Variants in IFNAR2 observed in about 807,000 individuals in gnomAD.
The protein encoded by IFNAR2 is interferon alpha and beta receptor subunit 2.
A neutral mutation model predicts 49.4 loss-of-function variants in IFNAR2; 30 were observed. The observed-to-expected ratio is 0.61, with a 90% CI of 0.45 to 0.82. IFNAR2 has a LOEUF of 0.82. Ranked by LOEUF, IFNAR2 falls within the 40% of genes least tolerant of loss-of-function variation. IFNAR2 has a pLI of 0.00. For missense variants in IFNAR2, 600 were observed against 622.7 expected (o/e 0.96, Z 0.39); for synonymous variants, 224 against 234.5 (o/e 0.96, Z 0.41).
intron 2 of IFNAR2, 99 bp from the exon 3 acceptor site, chr21:33,243,574 C>A: frequency 1.8e-6 from 2 of 1,083,686 alleles, no homozygotes; most frequent in Non-Finnish European, 1.4e-6. Flanking sequence ...CAATCTGATA[C>A]CAATAAATGT....
intron 7 of IFNAR2, among the ~76,000 whole-genome samples, chr21:33,253,537 C>T (rs1401856561): frequency 6.6e-6 from 1 of 152,090 alleles, no homozygotes; most frequent in Admixed American, 6.5e-5. Flanking sequence ...GGAAAGAGGT[C>T]CCAATCCATA....
chr21:33,233,052 A>C, intron 1 of IFNAR2: 3 of 492,864 alleles, frequency 6.1e-6, no homozygotes, highest in Non-Finnish European at 7.9e-6. Flanking sequence ...ACTTGATAAA[A>C]ATATAAATCC....
At chr21:33,252,342 G>T in intron 6 of IFNAR2, 1 of 680,196 alleles carries the variant, frequency 1.5e-6, no homozygotes. Context: ...CACTGTCCAT[G>T]AGAGAAGATA....
At chr21:33,240,702 G>C (rs532807218) in intron 1 of IFNAR2, among the ~76,000 whole-genome samples, 1 of 151,818 alleles carries the variant, frequency 6.6e-6, no homozygotes, top group Admixed American at 6.6e-5. Flanking sequence ...TGTAGTCTCA[G>C]CTACTTAGGG....
At chr21:33,261,348 T>C (rs1988559541) in intron 8 of IFNAR2, among the ~76,000 whole-genome samples, 1 of 152,182 alleles carries the variant, frequency 6.6e-6, no homozygotes, top group Non-Finnish European at 1.5e-5. Context: ...TGTTTTGTTT[T>C]GTTTTGTTTT....
At chr21:33,246,547 G>T (rs2123483249) in intron 4 of IFNAR2, among the ~76,000 whole-genome samples, 171 bp from the exon 5 acceptor site, 1 of 152,332 alleles carries the variant, frequency 6.6e-6, no homozygotes, top group East Asian at 1.9e-4. Flanking sequence ...AAGTGCAGGG[G>T]TGGGGAGGGC....
In IFNAR2 at chr21:33,263,337, C is replaced by T. The variant is rs776173853; in HGVS notation, c.1385C>T (p.Pro462Leu). Residue 462 changes from proline to leucine, a missense_variant, in exon 9 of 9, where the codon CCT becomes CTT. By Grantham distance (98) the Pro-to-Leu change is moderately conservative. Coordinates refer to ENST00000342136, the MANE Select transcript of IFNAR2 (RefSeq NM_001289125.3). The part of the protein sequence containing the change: ...HLEEMVDPED[P>L]DNVQSNHLLA... ...GAAGAGATGGTTGACCCAGAGGATC[C>T]TGATAATGTGCAATCAAACCATTTG... The T allele has an allele frequency of 1.2e-6, 2 of 1,614,204 alleles. No homozygotes were observed. Among genetic ancestry groups the T allele is most frequent in the South Asian group, 1.1e-5 (1 of 91,084 alleles).
chr21:33,247,254 C>CATTTTTTTTTT (rs1987501614), intron 5 of IFNAR2, among the ~76,000 whole-genome samples: 1 of 91,574 alleles, frequency 1.1e-5, no homozygotes, highest in Non-Finnish European at 2.1e-5. Flanking sequence ...TTCTTTCTTT[C>CATTTTTTTTTT]TTTTTTTTTT....
chr21:33,234,033 T>C (rs1463399703), intron 1 of IFNAR2, among the ~76,000 whole-genome samples: 1 of 151,810 alleles, frequency 6.6e-6, no homozygotes, highest in Non-Finnish European at 1.5e-5. Flanking sequence ...TATATAATAC[T>C]GCAACTTTTA....
At chr21:33,257,114 C>T (rs531044455) in intron 7 of IFNAR2, among the ~76,000 whole-genome samples, 6 of 152,244 alleles carry the variant, frequency 3.9e-5, no homozygotes, top group African/African-American at 9.6e-5. Flanking sequence ...AAGGGGTTCT[C>T]GGAAGCGTGA....
chr21:33,235,452 A>G (rs1986376103), intron 1 of IFNAR2, among the ~76,000 whole-genome samples: 1 of 152,292 alleles, frequency 6.6e-6, no homozygotes, highest in Admixed American at 6.5e-5. Flanking sequence ...AGCTTGGTGC[A>G]TTGTCAGGCA....
rs1352972466 is a variant in IFNAR2 at position 33,262,867 on chromosome 21, T to C, written c.915T>C (p.Ile305=). Residue 305 remains isoleucine (I), a synonymous_variant, in exon 9 of 9, where the codon ATT becomes ATC. Coordinates refer to ENST00000342136, the MANE Select transcript of IFNAR2 (RefSeq NM_001289125.3). The part of the protein sequence containing the change: ...PLEAMDMVEV[I]YINRKKKVWD... The stretch of plus-strand genomic sequence containing the variant: ...AAGCCATGGATATGGTGGAGGTCAT[T>C]TACATCAACAGAAAGAAGAAAGTGT... The C allele has an allele frequency of 6.2e-7, 1 of 1,614,024 alleles. No homozygotes were observed. Among genetic ancestry groups the C allele is most frequent in the East Asian group, 2.2e-5 (1 of 44,886 alleles).
Position 33,263,182 on chromosome 21 carries a change from C to T in IFNAR2, c.1230C>T (p.Asp410=), listed in dbSNP as rs1988761139. 1 of 1,614,048 alleles carries T rather than the reference C, an allele frequency of 6.2e-7. No individual in the cohort carries two copies. Among genetic ancestry groups the T allele is most frequent in the African/African-American group, 1.3e-5 (1 of 74,898 alleles). Reference sequence around the variant, plus strand: ...TCCAGGACCCTTTTCCCGAAGAGGACTACAGCTCCACGGAGGGGTCTGGGG... The same window carrying T: ...TCCAGGACCCTTTTCCCGAAGAGGATTACAGCTCCACGGAGGGGTCTGGGG... ...SPLQDPFPEE[D]YSSTEGSGGR... The change falls in exon 9 of 9, where the codon GAC becomes GAT. Residue 410 remains aspartate, a synonymous_variant. Coordinates refer to ENST00000342136, the MANE Select transcript of IFNAR2 (RefSeq NM_001289125.3).
Position 33,263,229 on chromosome 21 carries a change from A to G in IFNAR2, c.1277A>G (p.Asp426Gly). Reference sequence around the variant, plus strand: ...GGGGGCAGAATTACCTTCAATGTGGACTTAAACTCTGTGTTTTTGAGAGTT... The same window carrying G: ...GGGGGCAGAATTACCTTCAATGTGGGCTTAAACTCTGTGTTTTTGAGAGTT... ...GSGGRITFNV[D>G]LNSVFLRVLD... Residue 426 changes from aspartate (D) to glycine (G), a missense_variant, in exon 9 of 9, where the codon GAC becomes GGC. By Grantham distance (94) the Asp-to-Gly change is moderately conservative. Transcript: ENST00000342136. The G allele has an allele frequency of 6.2e-7, 1 of 1,614,168 alleles. No individual in the cohort carries two copies. The highest frequency in any genetic ancestry group is 8.5e-7 in the Non-Finnish European group (1 of 1,180,028).
chr21:33,236,947 C>G (rs78467662), intron 1 of IFNAR2: 1 of 845,680 alleles, frequency 1.2e-6, no homozygotes, highest in Non-Finnish European at 1.4e-6. Flanking sequence ...AATTTAGGCA[C>G]GATGCCAAGA....
chr21:33,250,727 CAG>C (rs1398820112), intron 6 of IFNAR2, among the ~76,000 whole-genome samples: 1 of 152,082 alleles, frequency 6.6e-6, no homozygotes, highest in Non-Finnish European at 1.5e-5. Context: ...TTAGTAGAGA[CAG>C]GGTTTCACTG....
chr21:33,247,608 G>A (rs1203349462), intron 5 of IFNAR2, among the ~76,000 whole-genome samples: 1 of 152,116 alleles, frequency 6.6e-6, no homozygotes, highest in Admixed American at 6.5e-5. Flanking sequence ...GTTCTTTTGT[G>A]TGTGAACACC....
intron 7 of IFNAR2, 43 bp from the exon 8 acceptor site, chr21:33,260,554 A>G (rs760626313): frequency 2.6e-6 from 4 of 1,560,388 alleles, no homozygotes; most frequent in South Asian, 1.2e-5. Flanking sequence ...GCAATTGTTT[A>G]TTGCATTTTT....
intron 7 of IFNAR2, among the ~76,000 whole-genome samples, chr21:33,257,089 G>C (rs910964328): frequency 2.6e-5 from 4 of 152,184 alleles, no homozygotes; most frequent in African/African-American, 9.7e-5. Context: ...GTGGCTCTCA[G>C]CTGAGCCTGA....
Sources: allele counts gnomAD v4.1 joint callset (sites outside exome capture counted in the v4.1 genomes callset), GRCh38; gene constraint gnomAD v4.1.1; transcripts MANE v1.5; gene names NCBI Gene and HGNC (gene_info 2026-07-23, HGNC 2026-07-21).